The following INSR variants were observed in gnomAD, a reference collection of about 807,000 sequenced individuals.
INSR encodes IR.
In INSR, 67 loss-of-function variants were observed where a neutral mutation model predicts 142.6. That is an observed-to-expected ratio of 0.47 (90% CI 0.39 to 0.58). The LOEUF is 0.58. Ranked by LOEUF, INSR falls within the 20% of genes least tolerant of loss-of-function variation. INSR has a pLI of 0.00. For synonymous variants in INSR, 756 were observed against 743.1 expected, an observed-to-expected ratio of 1.02 and a Z score of -0.28; for missense variants, 1,248 against 1,833.2, an observed-to-expected ratio of 0.68 and a Z score of 5.83.
rs557380378 is a variant in INSR at position 7,178,246 on chromosome 19, G to A, written c.975-3515C>T. On this transcript the variant is annotated intron_variant, in intron 3 of 21. Coordinates refer to ENST00000302850, the MANE Select transcript of INSR (RefSeq NM_000208.4). ...TTAGGAATGTCGGGGTGACTTGTGGGGGGGGGGGTGCCTAGATAACATGAG... is the reference window on the plus strand; with the variant it reads ...TTAGGAATGTCGGGGTGACTTGTGGAGGGGGGGGTGCCTAGATAACATGAG... Among the ~76,000 whole-genome samples, 13 of 126,564 alleles carry A rather than the reference G, an allele frequency of 1.0e-4. No individual in the cohort carries two copies. The East Asian group carries it at 2.8e-3, about 27-fold the overall frequency. The allele number at this position is 126,564 out of a possible 152,430, so 83.0% of individuals were successfully genotyped here.
In INSR at chr19:7,141,763, C is replaced by T. The variant is rs200110540; in HGVS notation, c.2596G>A (p.Val866Ile). 7.2e-5 allele frequency: 117 copies of T among 1,614,066 alleles called. No individual in the cohort carries two copies. Among genetic ancestry groups the T allele is most frequent in the Non-Finnish European group, 9.1e-5 (107 of 1,180,040 alleles). The change falls in exon 13 of 22, where the codon GTC becomes ATC. Residue 866 changes from valine (V) to isoleucine (I), a missense_variant. This residue lies in a region of INSR where 1,069 missense variants were observed against 1,654.0 expected (regional missense o/e 0.65). Transcript: ENST00000302850. ...GGCTCCTGCCACATCAAGTGGACGA[C>T]GTTGTTCTCAAAGATTTCATGCGTC... ...PVTHEIFENN[V>I]VHLMWQEPKE...
At chr19:7,134,403 A>G (rs1035143513) in intron 13 of INSR, among the ~76,000 whole-genome samples, 5 of 152,026 alleles carry the variant, frequency 3.3e-5, no homozygotes, top group South Asian at 2.1e-4. Context: ...CTTAATGTCT[A>G]AGGACAAATA....
At chr19:7,266,795 C>T (rs12982677) in intron 2 of INSR, among the ~76,000 whole-genome samples, 23,047 of 152,090 alleles carry the variant, frequency 0.15, 2,009 homozygotes, top group Non-Finnish European at 0.18. Context: ...CTACTCTCGG[C>T]GACATGCGTT....
At chr19:7,149,747 G>A (rs1973278380) in intron 11 of INSR, among the ~76,000 whole-genome samples, 1 of 151,812 alleles carries the variant, frequency 6.6e-6, no homozygotes, top group African/African-American at 2.4e-5. Flanking sequence ...GCTTGAACCC[G>A]GGAGGTGGAG....
rs924761997 is a variant in INSR, at chr19:7,112,867, A to G, written c.*4189T>C. 1 of 152,192 alleles carries G rather than the reference A, an allele frequency of 6.6e-6. No individual in the cohort carries two copies. The highest frequency in any genetic ancestry group is 2.4e-5 in the African/African-American group (1 of 41,434). 9.4% of individuals were successfully genotyped at this position (152,192 alleles called of 1,614,324 possible). The stretch of plus-strand genomic sequence containing the variant: ...TTCTTTTGTATGTTCTAGGAAAAAA[A>G]AAAGTGCTGACCTGTTCTTTTCATT... On this transcript the variant is annotated 3_prime_UTR_variant, in exon 22 of 22. Coordinates refer to ENST00000302850, the MANE Select transcript of INSR (RefSeq NM_000208.4).
chr19:7,230,427 A>T (rs10416429), intron 2 of INSR, among the ~76,000 whole-genome samples: 1 of 151,974 alleles, frequency 6.6e-6, no homozygotes, highest in African/African-American at 2.4e-5. Context: ...GAATCCTAAC[A>T]GTGTCCACCT....
Position 7,119,299 on chromosome 19 carries a change from C to T in INSR, c.3794+150G>A, listed in dbSNP as rs1255267689. 10 of 897,200 alleles carry T rather than the reference C, an allele frequency of 1.1e-5. No homozygotes were observed. Among genetic ancestry groups the T allele is most frequent in the Non-Finnish European group, 1.6e-5 (9 of 547,254 alleles). 55.6% of individuals were successfully genotyped at this position (897,200 alleles called of 1,614,324 possible). ...GCAAATGCAAGCATGCATGTAAAGA[C>T]AAGCTATGCAAACACAAACACACCT... On this transcript the variant is annotated intron_variant, in intron 21 of 21. Transcript: ENST00000302850. The surrounding 1 kb of genome is among the most constrained non-coding windows in gnomAD (Gnocchi z 5.2).
intron 11 of INSR, among the ~76,000 whole-genome samples, chr19:7,149,992 T>C (rs1973293426): frequency 7.3e-6 from 1 of 137,638 alleles, no homozygotes; most frequent in Non-Finnish European, 1.6e-5. Flanking sequence ...AAGGAAGAGA[T>C]CCCTGACTCT....
intron 2 of INSR, among the ~76,000 whole-genome samples, chr19:7,196,123 C>CG (rs1412707486): frequency 4.0e-5 from 6 of 150,840 alleles, no homozygotes; most frequent in Non-Finnish European, 8.9e-5. Context: ...TTAGTAGAGA[C>CG]GGGGCTTCTC....
At chr19:7,263,657 C>T (rs539477829) in intron 2 of INSR, among the ~76,000 whole-genome samples, 3 of 152,300 alleles carry the variant, frequency 2.0e-5, no homozygotes, top group Non-Finnish European at 4.4e-5. Flanking sequence ...ATGAACAGGG[C>T]TCAGTGCAGC....
intron 9 of INSR, among the ~76,000 whole-genome samples, chr19:7,155,041 G>A (rs1438144391): frequency 2.0e-5 from 3 of 152,150 alleles, no homozygotes; most frequent in African/African-American, 4.8e-5. Flanking sequence ...TAAATACACA[G>A]TCACAGGTCA....
chr19:7,181,226 G>A (rs1281302601), intron 3 of INSR, among the ~76,000 whole-genome samples: 4 of 152,122 alleles, frequency 2.6e-5, no homozygotes, highest in South Asian at 2.1e-4. Context: ...GGTTATAGGC[G>A]TGAGCCACCG....
intron 13 of INSR, among the ~76,000 whole-genome samples, chr19:7,140,773 CTT>C (rs34805383): frequency 2.4e-4 from 33 of 139,308 alleles, no homozygotes; most frequent in Admixed American, 2.9e-4. Context: ...ATTAACGGCC[CTT>C]TTTTTTTTTT....
chr19:7,192,001 GAGAA>G lies in INSR; in HGVS notation c.653-7368_653-7365del, dbSNP rs1345583594. 2.7e-5 allele frequency among the ~76,000 whole-genome samples: 4 copies of G among 146,396 alleles called. No individual in the cohort carries two copies. Among genetic ancestry groups the G allele is most frequent in the South Asian group, 4.4e-4 (2 of 4,586 alleles). ...GAAGGAGGGAGGGAGGGGAGAGAGA[GAGAA>G]AGAAAGAAGAGGGAGAAAGAAAGAG... On this transcript the variant is annotated intron_variant, in intron 2 of 21. Coordinates refer to ENST00000302850, the MANE Select transcript of INSR (RefSeq NM_000208.4). The surrounding 1 kb of genome is among the most constrained non-coding windows in gnomAD (Gnocchi z 4.2).
chr19:7,189,348 A>G (rs2145003524), intron 2 of INSR, among the ~76,000 whole-genome samples: 1 of 152,378 alleles, frequency 6.6e-6, no homozygotes, highest in South Asian at 2.1e-4. Flanking sequence ...AAACAAGGCC[A>G]GAGGCTGCGA....
chr19:7,266,191 G>A (rs761826107), intron 2 of INSR, among the ~76,000 whole-genome samples: 13 of 152,026 alleles, frequency 8.6e-5, no homozygotes, highest in African/African-American at 2.9e-4. Flanking sequence ...GCTGGCCAAG[G>A]TGTTCCCTCT....
chr19:7,285,657 TA>T (rs1256811591), intron 1 of INSR, among the ~76,000 whole-genome samples: 1 of 152,058 alleles, frequency 6.6e-6, no homozygotes, highest in Non-Finnish European at 1.5e-5. Flanking sequence ...ATTTAAATTT[TA>T]AATTTTAAAA....
intron 2 of INSR, among the ~76,000 whole-genome samples, chr19:7,243,257 T>G (rs934185090): frequency 7.4e-5 from 10 of 135,656 alleles, no homozygotes; most frequent in African/African-American, 2.9e-4. Flanking sequence ...TTTTTTTTTT[T>G]TTTTTTGAGA....
At chr19:7,122,561 A>G in intron 19 of INSR, 53 bp downstream of exon 19, 1 of 1,603,020 alleles carries the variant, frequency 6.2e-7, no homozygotes, top group South Asian at 1.1e-5. Flanking sequence ...CTTCCTTCTG[A>G]AATCAAACCT....
Sources: gnomAD v4.1 joint callset for allele counts (sites outside exome capture counted in the v4.1 genomes callset) on GRCh38, gnomAD v4.1.1 for gene constraint, gnomAD v4.1.1 regional missense constraint, Gnocchi (gnomAD v3.1) non-coding constraint, MANE v1.5 for transcripts, NCBI Gene and HGNC (gene_info 2026-07-23, HGNC 2026-07-21) for gene names.